The following P3H1 variants were observed in gnomAD, a reference collection of about 807,000 sequenced individuals.
P3H1 encodes growth suppressor 1.
Under a neutral mutation model 84.0 loss-of-function variants are expected in P3H1, and 69 were observed. The ratio of observed to expected loss-of-function variants is 0.82; its 90% confidence interval spans 0.68 to 1.00. The LOEUF is 1.00. Ranked by LOEUF, P3H1 falls within the 50% of genes least tolerant of loss-of-function variation. P3H1 has a pLI of 0.00. For missense variants in P3H1, 878 were observed against 962.8 expected (o/e 0.91, Z 1.17); for synonymous variants, 366 against 388.8 (o/e 0.94, Z 0.69).
At position 42,749,381 on chromosome 1, in the gene P3H1, G is replaced by A. The variant is rs76420431; in HGVS notation, c.1720+805C>T. Among the ~76,000 whole-genome samples, 1,028 of 152,304 alleles carry A rather than the reference G, an allele frequency of 6.7e-3. 7 individuals are homozygous for A. Among genetic ancestry groups the A allele is most frequent in the Non-Finnish European group, 0.011 (759 of 68,028 alleles). On this transcript the variant is annotated intron_variant, in intron 11 of 14. Transcript: ENST00000296388. ...CTGGAGGCTCCAGTATGACAGAGCC[G>A]GCTCTGGGCCACATAGGATCCTTGC... is the stretch of plus-strand genomic sequence containing the variant.
chr1:42,748,696 C>T (rs1651867009), intron 11 of P3H1: 2 of 326,146 alleles, frequency 6.1e-6, no homozygotes, highest in Non-Finnish European at 1.2e-5. Flanking sequence ...ATCAGGACTG[C>T]AGGAGATGGG....
intron 10 of P3H1, among the ~76,000 whole-genome samples, 196 bp from the exon 11 acceptor site, chr1:42,750,532 TG>T (rs1651978759): frequency 2.6e-5 from 4 of 151,990 alleles, no homozygotes; most frequent in Non-Finnish European, 1.5e-5. Flanking sequence ...CGAGATCTGG[TG>T]GCTTTAAAAA....
Position 42,762,518 on chromosome 1 carries a change from T to A in P3H1, c.466-43A>T, listed in dbSNP as rs2816593. ...GAAGGTGGATAATGCTCACATCCAA[T>A]CTCTGAACGTTTGTGTCCACATGAG... On this transcript the variant is annotated intron_variant, in intron 1 of 14. Transcript: ENST00000296388. 1,586,137 of 1,610,844 alleles carry A rather than the reference T, an allele frequency of 0.98. 780,964 individuals carry two copies. The highest frequency in any genetic ancestry group is 1 in the East Asian group (44,836 of 44,838).
rs766006904 is a variant in P3H1, at chr1:42,752,596, C to T, written c.1414G>A (p.Val472Met). 2 of 1,614,182 alleles carry T rather than the reference C, an allele frequency of 1.2e-6. No individual in the cohort carries two copies. The highest frequency in any genetic ancestry group is 2.2e-5 in the South Asian group (2 of 91,080). Residue 472 changes from valine (V) to methionine (M), a missense_variant, in exon 9 of 15, where the codon GTG becomes ATG. Val to Met is a conservative substitution (Grantham distance 21). Coordinates refer to ENST00000296388, the MANE Select transcript of P3H1 (RefSeq NM_022356.4). ...NSKLLNGSQR[V>M]VMDGVISDHE... is the part of the protein sequence containing the mutation. Reference sequence around the variant, plus strand: ...TCAGAGATTACGCCGTCCATCACCACCCGCTGGGAACCATTCAGGAGTTTG... The same window carrying T: ...TCAGAGATTACGCCGTCCATCACCATCCGCTGGGAACCATTCAGGAGTTTG...
At position 42,748,268 on chromosome 1, in the gene P3H1, G is replaced by A. The variant is rs1651845825; in HGVS notation, c.1770C>T (p.Asn590=). The A allele has an allele frequency of 2.5e-6, 4 of 1,613,960 alleles. No individual in the cohort carries two copies. The highest frequency in any genetic ancestry group is 3.4e-6 in the Non-Finnish European group (4 of 1,180,024). The change falls in exon 12 of 15, where the codon AAC becomes AAT. Residue 590 remains asparagine, a synonymous_variant. Transcript: ENST00000296388. ...KDDSHPVHVD[N]CILNAETLVC... is the part of the protein sequence containing the mutation. ...CGAGGGTCTCGGCATTCAGGATGCA[G>A]TTGTCCACGTGGACTGGATGACTAT...
rs1327082059 is a variant in P3H1, at chr1:42,755,579, T to C, written c.1139A>G (p.Tyr380Cys). ...CACAAAGGGAATTCCAAAAACATCATAAGCGAAGAAAAGCAGTTCTTTTTC... is the reference window on the plus strand; with the variant it reads ...CACAAAGGGAATTCCAAAAACATCACAAGCGAAGAAAAGCAGTTCTTTTTC... ...LLEKELLFFA[Y>C]DVFGIPFVDP... The change falls in exon 6 of 15, where the codon TAT becomes TGT. Residue 380 changes from tyrosine (Y) to cysteine (C), a missense_variant. By Grantham distance (194) the Tyr-to-Cys change is radical (BLOSUM62 -2). Transcript: ENST00000296388. 3.7e-6 allele frequency: 6 copies of C among 1,613,996 alleles called. No homozygotes were observed. The highest frequency in any genetic ancestry group is 5.1e-6 in the Non-Finnish European group (6 of 1,179,996).
chr1:42,753,399 T>C (rs1210046095), intron 8 of P3H1, among the ~76,000 whole-genome samples: 1 of 152,210 alleles, frequency 6.6e-6, no homozygotes, highest in Non-Finnish European at 1.5e-5. Flanking sequence ...ACAGTTCTCA[T>C]GGTGTTTCTC....
chr1:42,746,473 C>G lies in P3H1; in HGVS notation c.*224G>C. On this transcript the variant is annotated 3_prime_UTR_variant, in exon 15 of 15. Transcript: ENST00000296388. ...GGCCTGTGGAGGCCCCTGGGGGTGG[C>G]TGGGCCTGTGTCCTGAGCCCTCAGC... 1 of 587,848 alleles carries G rather than the reference C, an allele frequency of 1.7e-6. No homozygotes were observed. The highest frequency in any genetic ancestry group is 3.0e-5 in the Admixed American group (1 of 33,594). The allele number at this position is 587,848 out of a possible 1,614,324, so 36.4% of individuals were successfully genotyped here.
chr1:42,759,738 G>A (rs1468797385), intron 2 of P3H1, among the ~76,000 whole-genome samples: 1 of 150,584 alleles, frequency 6.6e-6, no homozygotes, highest in Non-Finnish European at 1.5e-5. Context: ...GGATTACATT[G>A]TGCCCAGCTA....
At position 42,759,418 on chromosome 1, in the gene P3H1, C is replaced by T. The variant is rs752865142; in HGVS notation, c.619-28G>A. 5.6e-6 allele frequency: 9 copies of T among 1,607,072 alleles called. No homozygotes were observed. In the South Asian group the frequency reaches 7.7e-5, roughly 14 times the overall value. ...ACTGGGAAGAAGGAGCACTCAAATG[C>T]AGGCCACAGAGGAGGAACCCTCTCT... On this transcript the variant is annotated intron_variant, in intron 2 of 14. Coordinates refer to ENST00000296388, the MANE Select transcript of P3H1 (RefSeq NM_022356.4).
Position 42,754,134 on chromosome 1 carries a change from G to A in P3H1, c.1345+735C>T, listed in dbSNP as rs1040406238. 2.0e-5 allele frequency among the ~76,000 whole-genome samples: 3 copies of A among 152,182 alleles called. No homozygotes were observed. Among genetic ancestry groups the A allele is most frequent in the Non-Finnish European group, 4.4e-5 (3 of 68,032 alleles). ...GGTTAAGGGGCAGGCACGGAGGATGGGTCAGAGGCCAGTGTCTGGAAGACT... is the reference window on the plus strand; with the variant it reads ...GGTTAAGGGGCAGGCACGGAGGATGAGTCAGAGGCCAGTGTCTGGAAGACT... On this transcript the variant is annotated intron_variant, in intron 8 of 14. Transcript: ENST00000296388. This position sits in a 1 kb window ranked among gnomAD's most constrained non-coding sequence, Gnocchi z 4.0.
intron 2 of P3H1, among the ~76,000 whole-genome samples, 176 bp from the exon 3 acceptor site, chr1:42,759,566 T>A (rs1652592782): frequency 1.3e-5 from 2 of 152,194 alleles, no homozygotes; most frequent in Non-Finnish European, 2.9e-5. Flanking sequence ...TACAAAATAT[T>A]TAGCTCTGGA....
intron 2 of P3H1, among the ~76,000 whole-genome samples, chr1:42,759,809 T>C (rs1449622264): frequency 6.6e-6 from 1 of 151,986 alleles, no homozygotes; most frequent in Non-Finnish European, 1.5e-5. Context: ...CTCCAACTCC[T>C]AACCTCAAGC....
rs900120741 is a variant in P3H1, at chr1:42,766,765, G to A, written c.207C>T (p.Arg69=). 4 of 1,592,818 alleles carry A rather than the reference G, an allele frequency of 2.5e-6. No homozygotes were observed. The African/African-American group carries it at 4.0e-5, about 16-fold the overall frequency. ...ERALRSRAAL[R]ALRLRCRTQC... ...GGGTGCGGCAGCGCAGGCGAAGGGC[G>A]CGGAGGGCTGCCCGGGAGCGCAGCG... is the stretch of plus-strand genomic sequence containing the variant. Residue 69 remains arginine (R), a synonymous_variant, in exon 1 of 15, where the codon CGC becomes CGT. Transcript: ENST00000296388.
rs541920148 is a variant in P3H1, at chr1:42,759,219, G to C, written c.790C>G (p.Leu264Val). ...CACGCACCTGTGATGGCCTGGAAGA[G>C]GTCAGCGTTGTACTCAAGGTAGTTG... is the stretch of plus-strand genomic sequence containing the variant. ...GYNYLEYNADLFQAITDHYIQ... is the reference protein window; with the variant it reads ...GYNYLEYNADVFQAITDHYIQ... The change falls in exon 3 of 15, where the codon CTC becomes GTC. Residue 264 changes from leucine (L) to valine (V), a missense_variant. Coordinates refer to ENST00000296388, the MANE Select transcript of P3H1 (RefSeq NM_022356.4). 1 of 1,614,186 alleles carries C rather than the reference G, an allele frequency of 6.2e-7. No individual in the cohort carries two copies. Among genetic ancestry groups the C allele is most frequent in the African/African-American group, 1.3e-5 (1 of 75,044 alleles).
At chr1:42,764,464 G>C (rs1323899924) in intron 1 of P3H1, among the ~76,000 whole-genome samples, 1 of 150,908 alleles carries the variant, frequency 6.6e-6, no homozygotes, top group Non-Finnish European at 1.5e-5. Flanking sequence ...AAAAGAGACA[G>C]GCCAGCATCA....
At chr1:42,751,484 T>C in intron 10 of P3H1, among the ~76,000 whole-genome samples, 1 of 138,578 alleles carries the variant, frequency 7.2e-6, no homozygotes, top group Non-Finnish European at 1.6e-5. Flanking sequence ...TGTTCACTTG[T>C]TTATCTGCTG....
chr1:42,755,721 C>T (rs1652372264), intron 5 of P3H1, 84 bp from the exon 6 acceptor site: 3 of 987,400 alleles, frequency 3.0e-6, no homozygotes, highest in Non-Finnish European at 4.8e-6. Context: ...GCACCCCACA[C>T]TGATGCTCCC....
At position 42,766,849 on chromosome 1, in the gene P3H1, C is replaced by T; in HGVS notation, c.123G>A (p.Glu41=). ...CCCCGCGCGCGTAGGCTGCGGTCCC[C>T]TCGGCGAAGAGCAGATCAGGCGTCA... The part of the protein sequence containing the change: ...GMVTPDLLFA[E]GTAAYARGDW... The change falls in exon 1 of 15, where the codon GAG becomes GAA. Residue 41 remains glutamate (E), a synonymous_variant. Coordinates refer to ENST00000296388, the MANE Select transcript of P3H1 (RefSeq NM_022356.4). 1.2e-6 allele frequency: 2 copies of T among 1,605,992 alleles called. No individual in the cohort carries two copies. Among genetic ancestry groups the T allele is most frequent in the Non-Finnish European group, 1.7e-6 (2 of 1,179,802 alleles).
Sources: gnomAD v4.1 joint callset for allele counts (sites outside exome capture counted in the v4.1 genomes callset) on GRCh38, gnomAD v4.1.1 for gene constraint, Gnocchi (gnomAD v3.1) non-coding constraint, MANE v1.5 for transcripts, NCBI Gene and HGNC (gene_info 2026-07-23, HGNC 2026-07-21) for gene names.